CACNA2D1: variants seen among roughly 807,000 people sequenced by gnomAD.
CACNA2D1 encodes calcium voltage-gated channel auxiliary subunit alpha2delta 1.
Under a neutral mutation model 171.5 loss-of-function variants are expected in CACNA2D1, and 53 were observed. That is an observed-to-expected ratio of 0.31 (90% CI 0.25 to 0.39). CACNA2D1 has a LOEUF of 0.39. Ranked by LOEUF, CACNA2D1 falls within the 10% of genes least tolerant of loss-of-function variation. The pLI, the probability that CACNA2D1 is intolerant of heterozygous loss-of-function variation, is 1.00. For missense variants in CACNA2D1, 903 were observed against 1,299.8 expected, an observed-to-expected ratio of 0.69 and a Z score of 4.69; for synonymous variants, 442 against 443.1, an observed-to-expected ratio of 1.00 and a Z score of 0.03.
At chr7:82,443,292 C>A (rs867194050) in intron 1 of CACNA2D1, 73 bp downstream of exon 1, 2 of 1,464,302 alleles carry the variant, frequency 1.4e-6, no homozygotes, top group Admixed American at 4.0e-5. Context: ...CCCCGCGACT[C>A]GGGAACCGAC....
At chr7:82,053,468 T>G (rs1221236474) in intron 10 of CACNA2D1, among the ~76,000 whole-genome samples, 1 of 151,970 alleles carries the variant, frequency 6.6e-6, no homozygotes, top group Non-Finnish European at 1.5e-5. Context: ...AATAATAAAA[T>G]TAAACAAAAG....
chr7:81,971,811 G>A lies in CACNA2D1; in HGVS notation c.2107C>T (p.Leu703Phe). 5.0e-6 allele frequency: 8 copies of A among 1,607,218 alleles called. No homozygotes were observed. Among genetic ancestry groups the A allele is most frequent in the East Asian group, 2.2e-5 (1 of 44,676 alleles). ...TGCTTACTCCAGTAATTTTGGACAA[G>A]TTCATTTGTAAAGCCTGCATCAAGC... ...VLLDAGFTNE[L>F]VQNYWSKQKN... Residue 703 changes from leucine to phenylalanine, a missense_variant, in exon 26 of 39, where the codon CTT becomes TTT. By Grantham distance (22) the Leu-to-Phe change is conservative. Around this residue, in one of 5 missense-constraint regions of CACNA2D1, gnomAD observed 623 missense variants for 925.5 expected, o/e 0.67. Transcript: ENST00000356860.
chr7:81,954,606 T>TAATA (rs1452748442), intron 38 of CACNA2D1, among the ~76,000 whole-genome samples: 1 of 152,120 alleles, frequency 6.6e-6, no homozygotes, highest in Non-Finnish European at 1.5e-5. Flanking sequence ...AGTACAAGCT[T>TAATA]AATAATTTTT....
intron 7 of CACNA2D1, among the ~76,000 whole-genome samples, chr7:82,073,610 A>T: frequency 6.6e-6 from 1 of 151,928 alleles, no homozygotes; most frequent in East Asian, 1.9e-4. Flanking sequence ...TTTTATTTTA[A>T]TTTTTTTGAG....
chr7:82,136,124 G>C (rs1205989107), intron 5 of CACNA2D1, among the ~76,000 whole-genome samples: 1 of 152,136 alleles, frequency 6.6e-6, no homozygotes, highest in Non-Finnish European at 1.5e-5. Flanking sequence ...GTACATTAGA[G>C]TCATTTATTT....
At chr7:82,056,578 A>G (rs1805935213) in intron 10 of CACNA2D1, among the ~76,000 whole-genome samples, 1 of 152,138 alleles carries the variant, frequency 6.6e-6, no homozygotes. Context: ...TGGGCCTAAA[A>G]GCTCCTCCAG....
At chr7:82,282,129 T>C (rs137870568) in intron 3 of CACNA2D1, among the ~76,000 whole-genome samples, 59 of 152,058 alleles carry the variant, frequency 3.9e-4, no homozygotes, top group African/African-American at 1.4e-3. Flanking sequence ...AAACTCCTTC[T>C]CTACTAAAAA....
chr7:82,213,023 C>T (rs1800731502), intron 3 of CACNA2D1, among the ~76,000 whole-genome samples: 1 of 151,776 alleles, frequency 6.6e-6, no homozygotes, highest in Non-Finnish European at 1.5e-5. Context: ...GTGTCAGCCT[C>T]CTGGGTAGCT....
intron 5 of CACNA2D1, among the ~76,000 whole-genome samples, chr7:82,127,295 A>G (rs1790440641): frequency 1.3e-5 from 2 of 152,220 alleles, no homozygotes; most frequent in Admixed American, 6.5e-5. Flanking sequence ...TAATTCAAAT[A>G]TCATCCATAG....
rs202046885 is a variant in CACNA2D1, at chr7:82,186,255, A to AAAGGAAGGAAGG, written c.295-15658_295-15647dup. The stretch of plus-strand genomic sequence containing the variant: ...AGAAGGAAGGAAGGAAGGAAGGAAG[A>AAAGGAAGGAAGG]AAGGAAGGAAGGAAGGAAGGAAGGA... On this transcript the variant is annotated intron_variant, in intron 3 of 38. Transcript: ENST00000356860. Among the ~76,000 whole-genome samples the AAAGGAAGGAAGG allele has an allele frequency of 7.3e-3, 813 of 111,418 alleles. 12 individuals carry two copies. The highest frequency in any genetic ancestry group is 0.015 in the South Asian group (45 of 2,906). 73.1% of individuals were successfully genotyped at this position (111,418 alleles called of 152,430 possible). A position where few individuals can be genotyped will look rare whatever the true frequency, so the allele number is the denominator to read the frequency against.
chr7:82,414,582 A>G (rs144806211), intron 1 of CACNA2D1, among the ~76,000 whole-genome samples: 2 of 152,362 alleles, frequency 1.3e-5, no homozygotes, highest in Non-Finnish European at 2.9e-5. Context: ...TGTATAGAGC[A>G]TTCCATCCAG....
At chr7:82,170,014 A>G (rs1203399021) in intron 4 of CACNA2D1, among the ~76,000 whole-genome samples, 1 of 151,942 alleles carries the variant, frequency 6.6e-6, no homozygotes, top group African/African-American at 2.4e-5. Context: ...CGCTAATGTC[A>G]GCTGACATTT....
chr7:82,303,204 A>G (rs1331207989), intron 3 of CACNA2D1, among the ~76,000 whole-genome samples: 1 of 151,922 alleles, frequency 6.6e-6, no homozygotes, highest in Non-Finnish European at 1.5e-5. Context: ...TCACTATGTT[A>G]GCCAGGATGG....
At chr7:82,103,750 A>G (rs1180937148) in intron 6 of CACNA2D1, among the ~76,000 whole-genome samples, 1 of 152,138 alleles carries the variant, frequency 6.6e-6, no homozygotes, top group African/African-American at 2.4e-5. Flanking sequence ...AACTAAAAAC[A>G]GTATATTTAA....
chr7:82,129,920 C>A (rs1369462195), intron 5 of CACNA2D1, among the ~76,000 whole-genome samples: 2 of 152,052 alleles, frequency 1.3e-5, no homozygotes, highest in East Asian at 1.9e-4. Flanking sequence ...ATAGGGCAAG[C>A]GTTTTCTTCA....
chr7:82,124,328 T>C (rs1365344301), intron 5 of CACNA2D1, among the ~76,000 whole-genome samples: 1 of 151,990 alleles, frequency 6.6e-6, no homozygotes, highest in Non-Finnish European at 1.5e-5. Context: ...CCCTCCACCC[T>C]CTTCCCAGGG....
chr7:82,222,957 A>G (rs1274922365), intron 3 of CACNA2D1, among the ~76,000 whole-genome samples: 5 of 144,530 alleles, frequency 3.5e-5, no homozygotes, highest in Admixed American at 2.2e-4. Flanking sequence ...TCTATTGCCC[A>G]GGCTGGAGTG....
intron 20 of CACNA2D1, among the ~76,000 whole-genome samples, chr7:81,992,635 A>G (rs1172294057): frequency 6.6e-6 from 1 of 152,192 alleles, no homozygotes; most frequent in Non-Finnish European, 1.5e-5. Flanking sequence ...AGAGAAATAA[A>G]AATGTAAGTT....
Position 82,065,895 on chromosome 7 carries a change from T to A in CACNA2D1, c.728+560A>T, listed in dbSNP as rs186122460. Among the ~76,000 whole-genome samples, 1,408 of 152,294 alleles carry A rather than the reference T, an allele frequency of 9.2e-3. 15 individuals are homozygous for A. The highest frequency in any genetic ancestry group is 0.034 in the Middle Eastern group (10 of 294). ...AGCAAATAAATACAATTAATAGTTT[T>A]AAAAAACCCAAAAATAGTTGTTTTC... is the stretch of plus-strand genomic sequence containing the variant. On this transcript the variant is annotated intron_variant, in intron 8 of 38. Coordinates refer to ENST00000356860, the MANE Select transcript of CACNA2D1 (RefSeq NM_000722.4).
Sources: gnomAD v4.1 joint callset for allele counts (sites outside exome capture counted in the v4.1 genomes callset) on GRCh38, gnomAD v4.1.1 for gene constraint, gnomAD v4.1.1 regional missense constraint, MANE v1.5 for transcripts, NCBI Gene and HGNC (gene_info 2026-07-23, HGNC 2026-07-21) for gene names.